NFATC1: variants seen among roughly 807,000 people sequenced by gnomAD.
NFATC1 encodes nuclear factor of activated T-cells, cytoplasmic 1.
In NFATC1, 22 loss-of-function variants were observed where a neutral mutation model predicts 76.0. The observed-to-expected ratio is 0.29, with a 90% CI of 0.21 to 0.41. The LOEUF is 0.41. NFATC1 is among the 10% of genes least tolerant of loss of function. The pLI is 1.00. For synonymous variants in NFATC1, 704 were observed against 613.1 expected (o/e 1.15, Z -2.19); for missense variants, 1,357 against 1,337.7 (o/e 1.01, Z -0.23).
intron 9 of NFATC1, among the ~76,000 whole-genome samples, chr18:79,507,777 C>T (rs1164195645): frequency 6.6e-6 from 1 of 152,248 alleles, no homozygotes; most frequent in Non-Finnish European, 1.5e-5. Context: ...AAATAGTAAA[C>T]GTTAGTGAGC....
intron 1 of NFATC1, chr18:79,400,135 G>T (rs2085138888): frequency 2.1e-6 from 2 of 955,334 alleles, no homozygotes; most frequent in Non-Finnish European, 2.6e-6. Context: ...TCGCGCGCGC[G>T]CGAGGGGGCG....
At chr18:79,520,784 T>TA (rs2090518621) in intron 9 of NFATC1, among the ~76,000 whole-genome samples, 1 of 58,464 alleles carries the variant, frequency 1.7e-5, no homozygotes, top group Non-Finnish European at 2.9e-5. Context: ...TGTGTGTGTG[T>TA]GTGGGGGGGC....
intron 2 of NFATC1, among the ~76,000 whole-genome samples, chr18:79,417,067 A>G (rs1392062149): frequency 6.6e-6 from 1 of 152,158 alleles, no homozygotes; most frequent in Non-Finnish European, 1.5e-5. Flanking sequence ...CGCAAGCCAG[A>G]CGGTCCCCAG....
At chr18:79,426,236 CTT>C (rs57237993) in intron 2 of NFATC1, among the ~76,000 whole-genome samples, 19 of 146,586 alleles carry the variant, frequency 1.3e-4, no homozygotes, top group South Asian at 4.3e-4. Flanking sequence ...CAGGATATGT[CTT>C]TTTTTTTTTT....
In NFATC1 at chr18:79,474,239, C is replaced by T. The variant is rs1271796364; in HGVS notation, c.2092+6657C>T. 4.3e-4 allele frequency among the ~76,000 whole-genome samples: 43 copies of T among 100,614 alleles called. 2 individuals are homozygous for T. Among genetic ancestry groups the T allele is most frequent in the African/African-American group, 1.6e-3 (34 of 21,726 alleles). The allele number at this position is 100,614 out of a possible 152,430, so 66.0% of individuals were successfully genotyped here. A position where few individuals can be genotyped will look rare whatever the true frequency, so the allele number is the denominator to read the frequency against. On this transcript the variant is annotated intron_variant, in intron 8 of 9. Coordinates refer to ENST00000427363, the MANE Select transcript of NFATC1 (RefSeq NM_001278669.2). ...ACTGTCGACGTAAACCTGAGGGAAGCGTGTTCTCGCGCTCACTGTCGACGT... is the reference window on the plus strand; with the variant it reads ...ACTGTCGACGTAAACCTGAGGGAAGTGTGTTCTCGCGCTCACTGTCGACGT...
intron 9 of NFATC1, among the ~76,000 whole-genome samples, chr18:79,519,424 C>T (rs2090460410): frequency 1.3e-5 from 2 of 152,164 alleles, no homozygotes; most frequent in South Asian, 4.1e-4. Context: ...CCTCAACCTC[C>T]TGGGCTCAAG....
chr18:79,456,886 G>A (rs570240766), intron 6 of NFATC1, among the ~76,000 whole-genome samples: 7 of 152,344 alleles, frequency 4.6e-5, no homozygotes, highest in African/African-American at 7.2e-5. Context: ...CAGCGTCCGC[G>A]GCACGGGCAG....
At chr18:79,516,569 C>T (rs757459696) in intron 9 of NFATC1, among the ~76,000 whole-genome samples, 5 of 152,140 alleles carry the variant, frequency 3.3e-5, no homozygotes, top group Non-Finnish European at 7.3e-5. Context: ...CCAGCAGTGT[C>T]GGACAGTTTA....
intron 1 of NFATC1, chr18:79,400,336 C>A: frequency 7.3e-7 from 1 of 1,364,272 alleles, no homozygotes; most frequent in Non-Finnish European, 9.5e-7. Context: ...GCCGGGAGAA[C>A]CGAACCCCTG....
At chr18:79,416,342 G>GTT (rs2085875265) in intron 2 of NFATC1, among the ~76,000 whole-genome samples, 1 of 152,194 alleles carries the variant, frequency 6.6e-6, no homozygotes, top group Admixed American at 6.5e-5. Flanking sequence ...TTCCTCCTGC[G>GTT]TTTGAATGCC....
chr18:79,400,016 T>C (rs1388142936), intron 1 of NFATC1, among the ~76,000 whole-genome samples: 1 of 151,250 alleles, frequency 6.6e-6, no homozygotes, highest in African/African-American at 2.4e-5. Context: ...GGCGCAGCCT[T>C]AGGTACCTGG....
At chr18:79,404,703 A>C (rs1600592953) in intron 1 of NFATC1, among the ~76,000 whole-genome samples, 1 of 152,078 alleles carries the variant, frequency 6.6e-6, no homozygotes. Context: ...CTGTGGCTGG[A>C]GTTGGTGATT....
chr18:79,494,938 A>G (rs1052387092), intron 9 of NFATC1, among the ~76,000 whole-genome samples: 10 of 149,474 alleles, frequency 6.7e-5, no homozygotes, highest in Admixed American at 6.7e-4. Flanking sequence ...CACGCCCCCC[A>G]TCAACCTGGT....
intron 8 of NFATC1, among the ~76,000 whole-genome samples, chr18:79,480,634 C>CT (rs2089239614): frequency 6.6e-6 from 1 of 152,170 alleles, no homozygotes; most frequent in Non-Finnish European, 1.5e-5. Flanking sequence ...GGGGCCGTGT[C>CT]TGAGCCGTGT....
chr18:79,477,964 A>G (rs2089140108), intron 8 of NFATC1, among the ~76,000 whole-genome samples: 1 of 152,176 alleles, frequency 6.6e-6, no homozygotes, highest in South Asian at 2.1e-4. Flanking sequence ...ACTCTCAAGT[A>G]GAGTCACGCG....
chr18:79,486,129 A>G (rs973299717), intron 8 of NFATC1, 119 bp from the exon 9 acceptor site: 9 of 839,246 alleles, frequency 1.1e-5, no homozygotes, highest in Non-Finnish European at 1.5e-5. Flanking sequence ...ACCAGGCAGG[A>G]GACAGAGGGA....
At chr18:79,470,307 CCGT>C (rs2088726299) in intron 8 of NFATC1, 1 of 152,316 alleles carries the variant, frequency 6.6e-6, no homozygotes, top group Non-Finnish European at 1.5e-5. Context: ...CTTTTCTACA[CCGT>C]CATCATGGGG....
At chr18:79,499,253 T>C (rs2089963324) in intron 9 of NFATC1, among the ~76,000 whole-genome samples, 1 of 152,210 alleles carries the variant, frequency 6.6e-6, no homozygotes, top group South Asian at 2.1e-4. Flanking sequence ...TTACATATTA[T>C]TAGAACTCAG....
intron 3 of NFATC1, among the ~76,000 whole-genome samples, chr18:79,444,058 T>C (rs1282296745): frequency 1.3e-5 from 2 of 152,226 alleles, no homozygotes; most frequent in African/African-American, 4.8e-5. Context: ...TCTCATGCAC[T>C]CTGGGTCTGT....
Sources: allele counts gnomAD v4.1 joint callset (sites outside exome capture counted in the v4.1 genomes callset), GRCh38; gene constraint gnomAD v4.1.1; transcripts MANE v1.5; gene names NCBI Gene and HGNC (gene_info 2026-07-23, HGNC 2026-07-21).